Variants in RIC8B observed in about 807,000 individuals in gnomAD.
RIC8B encodes RIC8 guanine nucleotide exchange factor B.
Under a neutral mutation model 57.5 loss-of-function variants are expected in RIC8B, and 16 were observed. That is an observed-to-expected ratio of 0.28 (90% CI 0.19 to 0.42). RIC8B has a LOEUF of 0.42. Among genes scored for constraint, RIC8B ranks in the 10% least tolerant of loss-of-function variants. RIC8B has a pLI of 1.00. For synonymous variants in RIC8B, 216 were observed against 250.8 expected (o/e 0.86, Z 1.31); for missense variants, 481 against 677.0 (o/e 0.71, Z 3.21).
chr12:106,796,660 G>A (rs2044496784), intron 2 of RIC8B, among the ~76,000 whole-genome samples: 1 of 152,026 alleles, frequency 6.6e-6, no homozygotes, highest in Admixed American at 6.6e-5. Flanking sequence ...AACACCAAAA[G>A]CACAAGTAAT....
chr12:106,837,637 T>C (rs1411103126), intron 4 of RIC8B, among the ~76,000 whole-genome samples: 1 of 144,532 alleles, frequency 6.9e-6, no homozygotes, highest in Non-Finnish European at 1.5e-5. Flanking sequence ...TGAAAATCTT[T>C]TGTTTTTTTT....
intron 1 of RIC8B, among the ~76,000 whole-genome samples, chr12:106,779,868 CTT>C (rs34745029): frequency 0.011 from 1,085 of 98,804 alleles, 13 homozygotes; most frequent in African/African-American, 0.038. Context: ...GGGGCCTGTT[CTT>C]TTTTTTTTTT....
intron 9 of RIC8B, chr12:106,871,485 A>AC (rs1555263916): frequency 2.1e-5 from 3 of 142,404 alleles, no homozygotes; most frequent in Non-Finnish European, 4.6e-5. Flanking sequence ...AAAAAAAAAA[A>AC]AAAAAAAAAA....
chr12:106,834,369 A>T (rs576840877), intron 4 of RIC8B, among the ~76,000 whole-genome samples: 5 of 152,326 alleles, frequency 3.3e-5, no homozygotes, highest in South Asian at 2.1e-4. Flanking sequence ...TGTTCATTTT[A>T]CAAGAATTGG....
At chr12:106,827,730 A>G (rs1005854346) in intron 4 of RIC8B, among the ~76,000 whole-genome samples, 2 of 152,232 alleles carry the variant, frequency 1.3e-5, no homozygotes, top group Non-Finnish European at 2.9e-5. Context: ...ATATCCTAAC[A>G]AGATTTTATT....
chr12:106,818,820 G>T (rs2045706611), intron 3 of RIC8B, among the ~76,000 whole-genome samples: 1 of 152,118 alleles, frequency 6.6e-6, no homozygotes, highest in Admixed American at 6.5e-5. Context: ...AGGCTGGAGT[G>T]CAATGGCGCA....
chr12:106,873,302 T>C, intron 9 of RIC8B: 1 of 450,378 alleles, frequency 2.2e-6, no homozygotes, highest in Non-Finnish European at 2.9e-6. Flanking sequence ...TACAGAATTT[T>C]TGCATGACGT....
intron 2 of RIC8B, among the ~76,000 whole-genome samples, chr12:106,805,668 T>G (rs1161315749): frequency 6.6e-6 from 1 of 152,210 alleles, no homozygotes; most frequent in Non-Finnish European, 1.5e-5. Context: ...AGAGTAATAT[T>G]TCCAAAATAC....
At chr12:106,834,983 C>CAAAA (rs71072695) in intron 4 of RIC8B, among the ~76,000 whole-genome samples, 1,224 of 31,286 alleles carry the variant, frequency 0.039, 115 homozygotes, top group Non-Finnish European at 0.062. Flanking sequence ...GACTCTGTCT[C>CAAAA]AAAAAAAAAA....
chr12:106,849,212 T>C (rs1437102853), intron 6 of RIC8B, among the ~76,000 whole-genome samples: 1 of 152,060 alleles, frequency 6.6e-6, no homozygotes, highest in East Asian at 1.9e-4. Context: ...TGTATCAAAA[T>C]ATCTCATATA....
At chr12:106,858,945 C>T (rs1416101764) in intron 7 of RIC8B, among the ~76,000 whole-genome samples, 1 of 151,892 alleles carries the variant, frequency 6.6e-6, no homozygotes, top group Non-Finnish European at 1.5e-5. Context: ...TCATATATAC[C>T]CACTTTTCTT....
Position 106,885,970 on chromosome 12 carries a change from C to T in RIC8B, c.1638C>T (p.Leu546=). The change falls in exon 10 of 10, where the codon CTC becomes CTT. Residue 546 remains leucine, a synonymous_variant. Coordinates refer to ENST00000392837, the MANE Select transcript of RIC8B (RefSeq NM_001330145.2). The part of the protein sequence containing the change: ...DGTITPLEEA[L]NQYSVIEETS... ...CAATAACGCCTTTGGAGGAAGCACTCAACCAGTACTCTGTCATCGAAGAGA... is the reference window on the plus strand; with the variant it reads ...CAATAACGCCTTTGGAGGAAGCACTTAACCAGTACTCTGTCATCGAAGAGA... The T allele has an allele frequency of 6.2e-7, 1 of 1,613,792 alleles. No homozygotes were observed. The highest frequency in any genetic ancestry group is 8.5e-7 in the Non-Finnish European group (1 of 1,179,858).
intron 2 of RIC8B, among the ~76,000 whole-genome samples, chr12:106,786,794 A>G (rs946583990): frequency 4.8e-5 from 7 of 147,186 alleles, no homozygotes; most frequent in Non-Finnish European, 9.0e-5. Flanking sequence ...TGAGAGAGTG[A>G]AAAAAAAAAA....
intron 9 of RIC8B, among the ~76,000 whole-genome samples, chr12:106,872,242 C>T (rs1207554544): frequency 3.9e-5 from 6 of 152,046 alleles, no homozygotes; most frequent in Admixed American, 1.3e-4. Flanking sequence ...GAGAAGATAC[C>T]GATAGGGCAA....
At chr12:106,846,021 C>A (rs1370137609) in intron 6 of RIC8B, among the ~76,000 whole-genome samples, 1 of 152,130 alleles carries the variant, frequency 6.6e-6, no homozygotes, top group Non-Finnish European at 1.5e-5. Context: ...TGTTTGAGTG[C>A]CCCGAGGCAA....
At chr12:106,786,141 ATTTTTTTTTT>A (rs893618675) in intron 2 of RIC8B, among the ~76,000 whole-genome samples, 4 of 73,886 alleles carry the variant, frequency 5.4e-5, no homozygotes, top group African/African-American at 2.2e-4. Flanking sequence ...CCCAAGGTGT[ATTTTTTTTTT>A]TTTTTTTTTT....
intron 4 of RIC8B, among the ~76,000 whole-genome samples, chr12:106,833,852 G>A (rs989327453): frequency 2.0e-5 from 3 of 152,196 alleles, no homozygotes; most frequent in South Asian, 2.1e-4. Flanking sequence ...TGAATGCTTG[G>A]TGCTGTCCTC....
intron 2 of RIC8B, among the ~76,000 whole-genome samples, chr12:106,801,306 T>A (rs2044720937): frequency 6.6e-6 from 1 of 152,236 alleles, no homozygotes; most frequent in Non-Finnish European, 1.5e-5. Flanking sequence ...ACACCTAAGC[T>A]CTTTCCTGTT....
chr12:106,781,172 A>G (rs1199015512), intron 1 of RIC8B, among the ~76,000 whole-genome samples: 1 of 151,720 alleles, frequency 6.6e-6, no homozygotes, highest in Non-Finnish European at 1.5e-5. Flanking sequence ...CTGGTCTCAA[A>G]CTCCTGGTCT....
Sources: gnomAD v4.1 joint callset for allele counts (sites outside exome capture counted in the v4.1 genomes callset) on GRCh38, gnomAD v4.1.1 for gene constraint, MANE v1.5 for transcripts, NCBI Gene and HGNC (gene_info 2026-07-23, HGNC 2026-07-21) for gene names.